LBHD1: variants seen among roughly 807,000 people sequenced by gnomAD.
LBHD1 encodes LBH domain-containing protein 1.
LBHD1 carries 28 observed loss-of-function variants against 31.1 expected under a neutral mutation model. The ratio of observed to expected loss-of-function variants is 0.90; its 90% CI spans 0.67 to 1.24. The LOEUF is 1.24. Ranked by LOEUF, LBHD1 falls within the 50% of genes most tolerant of loss-of-function variation. The pLI is 0.00. For missense variants in LBHD1, 350 were observed against 323.0 expected (o/e 1.08, Z -0.64); for synonymous variants, 105 against 116.5 (o/e 0.90, Z 0.63).
rs1354587868 is a variant in LBHD1 at position 62,670,001 on chromosome 11, C to G, written c.31G>C (p.Asp11His). MALVPGRSKE[D>H]GLWTRNSPGS... Reference sequence around the variant, plus strand: ...GGGCTATTTCTAGTCCAAAGCCCATCCTCCTTGCTTCTCCCTGGCACAAGG... The same window carrying G: ...GGGCTATTTCTAGTCCAAAGCCCATGCTCCTTGCTTCTCCCTGGCACAAGG... The change falls in exon 2 of 7, where the codon GAT (aspartate) becomes CAT (histidine). Residue 11 changes from aspartate to histidine, a missense_variant. By Grantham distance (81) the Asp-to-His change is moderately conservative. Coordinates refer to ENST00000354588, the MANE Select transcript of LBHD1 (RefSeq NM_024099.5). 6.2e-7 allele frequency: 1 copy of G among 1,613,106 alleles called. No individual in the cohort carries two copies. Among genetic ancestry groups the G allele is most frequent in the African/African-American group, 1.3e-5 (1 of 74,898 alleles).
At chr11:62,665,241 C>T (rs1944763708) in intron 4 of LBHD1, 2 of 762,070 alleles carry the variant, frequency 2.6e-6, no homozygotes, top group Non-Finnish European at 4.5e-6. Flanking sequence ...CCGCCCCGGC[C>T]TTCCGCGGGC....
At chr11:62,670,735 CTCTT>C (rs67976459) in intron 1 of LBHD1, 36,652 of 152,626 alleles carry the variant, frequency 0.24, 4,749 homozygotes, top group Non-Finnish European at 0.3. Context: ...CATAGTGAAA[CTCTT>C]TCTCTACTAA....
chr11:62,671,626 T>G lies in LBHD1; in HGVS notation c.-73A>C. On this transcript the variant is annotated 5_prime_UTR_variant, in exon 1 of 7. Coordinates refer to ENST00000354588, the MANE Select transcript of LBHD1 (RefSeq NM_024099.5). ...GAGCAGGTCCTCTCTAGCCGGCCGCTTATCTATGGTTTCTGCTATAGGGCG... is the reference window on the plus strand; with the variant it reads ...GAGCAGGTCCTCTCTAGCCGGCCGCGTATCTATGGTTTCTGCTATAGGGCG... 412 of 1,478,424 alleles carry G rather than the reference T, an allele frequency of 2.8e-4. No homozygotes were observed. The highest frequency in any genetic ancestry group is 9.0e-4 in the East Asian group (37 of 41,208). The allele number at this position is 1,478,424 out of a possible 1,614,324, so 91.6% of individuals were successfully genotyped here.
chr11:62,669,450 C>G (rs1181010203), intron 3 of LBHD1, 191 bp downstream of exon 3: 1 of 984,792 alleles, frequency 1.0e-6, no homozygotes, highest in Non-Finnish European at 1.2e-6. Context: ...GGCACCCATT[C>G]TGATACCAAA....
chr11:62,665,307 G>A (rs1310269184), intron 4 of LBHD1: 18 of 713,046 alleles, frequency 2.5e-5, no homozygotes, highest in South Asian at 1.3e-4. Context: ...CGCGGTGCGG[G>A]AGGCCTTTCG....
intron 3 of LBHD1, 52 bp from the exon 4 acceptor site, chr11:62,667,799 TAC>T: frequency 7.6e-7 from 1 of 1,311,630 alleles, no homozygotes; most frequent in South Asian, 1.3e-5. Context: ...ATTATCAAAT[TAC>T]AAAACTAGGC....
chr11:62,665,562 G>C, intron 4 of LBHD1: 2 of 1,568,024 alleles, frequency 1.3e-6, no homozygotes, highest in Middle Eastern at 1.7e-4. Flanking sequence ...CTCAAACGCC[G>C]GGACACCGGG....
chr11:62,671,340 TG>T (rs1328282034), intron 1 of LBHD1: 1 of 1,154,472 alleles, frequency 8.7e-7, no homozygotes, highest in East Asian at 5.7e-5. Flanking sequence ...TGCGCTGTGT[TG>T]AAAACGCGCG....
At chr11:62,666,144 C>G in intron 4 of LBHD1, 4 of 735,824 alleles carry the variant, frequency 5.4e-6, no homozygotes, top group Non-Finnish European at 8.8e-6. Flanking sequence ...CCCAGGAGTT[C>G]GAGACCAACC....
chr11:62,667,043 T>C (rs753575721), intron 4 of LBHD1: 12 of 1,598,322 alleles, frequency 7.5e-6, no homozygotes, highest in Non-Finnish European at 1.0e-5. Context: ...GATTCAAGGC[T>C]CTCATTAAAG....
Position 62,672,101 on chromosome 11 carries a change from G to T in LBHD1, c.-548C>A, listed in dbSNP as rs920718659. ...GTTGGCGGCGAAGGCGGCGCCGGCG[G>T]GAGGTCACCGTGAGACCGGACTTGC... is the stretch of plus-strand genomic sequence containing the variant. On this transcript the variant is annotated 5_prime_UTR_variant, in exon 1 of 7. Transcript: ENST00000354588. The T allele has an allele frequency of 5.1e-6, 8 of 1,580,146 alleles. No homozygotes were observed. In the Admixed American group the frequency reaches 7.4e-5, roughly 15 times the overall value.
intron 3 of LBHD1, among the ~76,000 whole-genome samples, chr11:62,668,734 C>A (rs1468672216): frequency 3.3e-5 from 5 of 150,346 alleles, no homozygotes; most frequent in Non-Finnish European, 5.9e-5. Flanking sequence ...ACCCAGGAGG[C>A]AGGGCTTGCA....
chr11:62,665,385 G>GGTGCCGGGTGGAAGGCTCTGGGC (rs1565126074), intron 4 of LBHD1: 5 of 1,149,108 alleles, frequency 4.4e-6, no homozygotes, highest in African/African-American at 1.5e-5. Flanking sequence ...GAGTGGTGGG[G>GGTGCCGGGTGGAAGGCTCTGGGC]GTGCCGGGTG....
chr11:62,665,582 G>A, intron 4 of LBHD1: 1 of 1,569,866 alleles, frequency 6.4e-7, no homozygotes, highest in Non-Finnish European at 8.6e-7. Context: ...GAATCTCGGA[G>A]AAGGACAACC....
chr11:62,671,968 G>T lies in LBHD1; in HGVS notation c.-415C>A, dbSNP rs369790026. 5.0e-6 allele frequency: 8 copies of T among 1,613,902 alleles called. No homozygotes were observed. The highest frequency in any genetic ancestry group is 1.3e-5 in the African/African-American group (1 of 74,954). On this transcript the variant is annotated 5_prime_UTR_variant, in exon 1 of 7. Coordinates refer to ENST00000354588, the MANE Select transcript of LBHD1 (RefSeq NM_024099.5). ...CTGCCCTCAGGAGATGCCACTGCAG[G>T]ACCCAAGGAGCAGGGAGGAGGCGGC...
At position 62,671,686 on chromosome 11, in the gene LBHD1, G is replaced by A. The variant is rs998483278; in HGVS notation, c.-133C>T. ...GCGCCAAGGGGTAGTGAGACCGCGC[G>A]GCAACAGCTTGCGGCTGCGGGGAGC... On this transcript the variant is annotated 5_prime_UTR_variant, in exon 1 of 7. Coordinates refer to ENST00000354588, the MANE Select transcript of LBHD1 (RefSeq NM_024099.5). 3.1e-6 allele frequency: 5 copies of A among 1,599,186 alleles called. No homozygotes were observed. The highest frequency in any genetic ancestry group is 1.1e-5 in the South Asian group (1 of 90,144).
At chr11:62,667,187 C>T in intron 4 of LBHD1, 1 of 866,780 alleles carries the variant, frequency 1.2e-6, no homozygotes, top group Non-Finnish European at 1.8e-6. Context: ...TGCCATATTG[C>T]TGAATGTTTC....
intron 5 of LBHD1, 111 bp downstream of exon 5, chr11:62,664,738 C>T: frequency 7.3e-7 from 1 of 1,366,542 alleles, no homozygotes; most frequent in Non-Finnish European, 9.9e-7. Flanking sequence ...ACATTCCCCG[C>T]ATAAGCGTCA....
intron 4 of LBHD1, chr11:62,666,021 T>G (rs1444300459): frequency 4.6e-5 from 68 of 1,489,718 alleles, no homozygotes; most frequent in Non-Finnish European, 1.0e-5. Flanking sequence ...TCCTCGTGAG[T>G]CAGGAGTGTA....
Sources: allele counts gnomAD v4.1 joint callset (sites outside exome capture counted in the v4.1 genomes callset), GRCh38; gene constraint gnomAD v4.1.1; transcripts MANE v1.5; gene names NCBI Gene and HGNC (gene_info 2026-07-23, HGNC 2026-07-21).